IDNK: variants seen among roughly 807,000 people sequenced by gnomAD.
IDNK encodes the protein IDNK gluconokinase.
A neutral mutation model predicts 13.0 loss-of-function variants in IDNK; 9 were observed. The observed-to-expected ratio is 0.69, with a 90% CI of 0.42 to 1.21. The LOEUF is 1.21. Ranked by LOEUF, IDNK falls within the 50% of genes most tolerant of loss-of-function variation. The probability of loss-of-function intolerance (pLI) is 0.00; values close to 1 mark genes in which losing one functional copy is unlikely to be tolerated. For synonymous variants in IDNK, 92 were observed against 94.9 expected (o/e 0.97, Z 0.18); for missense variants, 210 against 237.8 (o/e 0.88, Z 0.77).
At chr9:83,625,983 TCA>T (rs1830838094) in intron 1 of IDNK, among the ~76,000 whole-genome samples, 1 of 152,242 alleles carries the variant, frequency 6.6e-6, no homozygotes, top group South Asian at 2.1e-4. Flanking sequence ...CTTTATATTT[TCA>T]CAATCTTAAT....
chr9:83,631,780 C>T (rs10780620), intron 3 of IDNK, among the ~76,000 whole-genome samples: 39,744 of 151,852 alleles, frequency 0.26, 6,450 homozygotes, highest in East Asian at 0.8. Flanking sequence ...CAGTGCCAGT[C>T]TAGAAACATT....
chr9:83,642,121 G>T (rs1467286330), intron 4 of IDNK, among the ~76,000 whole-genome samples: 1 of 151,920 alleles, frequency 6.6e-6, no homozygotes, highest in Non-Finnish European at 1.5e-5. Context: ...AGTCCACATT[G>T]CCCAGCTCTG....
At chr9:83,630,588 G>A (rs372498935) in intron 3 of IDNK, among the ~76,000 whole-genome samples, 18 of 152,234 alleles carry the variant, frequency 1.2e-4, no homozygotes, top group African/African-American at 3.4e-4. Flanking sequence ...TAAATATCAC[G>A]TTTTAAAATT....
At chr9:83,633,231 C>T (rs893416255) in intron 3 of IDNK, among the ~76,000 whole-genome samples, 10 of 152,210 alleles carry the variant, frequency 6.6e-5, no homozygotes, top group Admixed American at 5.9e-4. Context: ...CCCAGCTACT[C>T]GGGAGGCTGA....
intron 3 of IDNK, among the ~76,000 whole-genome samples, chr9:83,640,731 GCT>G (rs1177824723): frequency 6.6e-6 from 1 of 152,198 alleles, no homozygotes; most frequent in Non-Finnish European, 1.5e-5. Context: ...TGTAATCCCA[GCT>G]ACTCAGGAGG....
intron 3 of IDNK, among the ~76,000 whole-genome samples, chr9:83,630,535 A>G (rs951766098): frequency 6.6e-6 from 1 of 152,206 alleles, no homozygotes; most frequent in Non-Finnish European, 1.5e-5. Context: ...ATTAAATGAG[A>G]TAATACAAAA....
chr9:83,633,168 T>A (rs1349665843), intron 3 of IDNK, among the ~76,000 whole-genome samples: 2 of 152,056 alleles, frequency 1.3e-5, no homozygotes, highest in South Asian at 2.1e-4. Flanking sequence ...TGAAATCCCG[T>A]CTCTACTAAA....
At chr9:83,642,591 T>A (rs1161013085) in intron 4 of IDNK, among the ~76,000 whole-genome samples, 1 of 148,570 alleles carries the variant, frequency 6.7e-6, no homozygotes, top group Non-Finnish European at 1.5e-5. Context: ...GGAGGCCCCT[T>A]CCTTCAGAAC....
At chr9:83,640,881 G>C (rs1831286073) in intron 3 of IDNK, among the ~76,000 whole-genome samples, 1 of 152,016 alleles carries the variant, frequency 6.6e-6, no homozygotes, top group Non-Finnish European at 1.5e-5. Flanking sequence ...TTGGTATACA[G>C]AGGTTTGCTT....
chr9:83,641,428 A>G, intron 3 of IDNK, 120 bp from the exon 4 acceptor site: 2 of 1,118,094 alleles, frequency 1.8e-6, no homozygotes, highest in Non-Finnish European at 2.7e-6. Flanking sequence ...CCCACTCCTC[A>G]CACCACTGAG....
chr9:83,627,389 A>G (rs567083646), intron 1 of IDNK, among the ~76,000 whole-genome samples: 1 of 152,308 alleles, frequency 6.6e-6, no homozygotes, highest in African/African-American at 2.4e-5. Context: ...GGGAACTGGT[A>G]GGTGCTCAAT....
At chr9:83,641,479 T>G in intron 3 of IDNK, 69 bp from the exon 4 acceptor site, 1 of 1,545,428 alleles carries the variant, frequency 6.5e-7, no homozygotes. Context: ...GATATAACTG[T>G]TTCTCTACAA....
rs1831375596 is a variant in IDNK at position 83,643,564 on chromosome 9, G to T, written c.348G>T (p.Glu116Asp). 1 of 1,613,934 alleles carries T rather than the reference G, an allele frequency of 6.2e-7. No individual in the cohort carries two copies. Among genetic ancestry groups the T allele is most frequent in the Non-Finnish European group, 8.5e-7 (1 of 1,180,016 alleles). The change falls in exon 5 of 5, where the codon GAG (glutamate) becomes GAT (aspartate). Residue 116 changes from glutamate (E) to aspartate (D), a missense_variant. By Grantham distance (45) the Glu-to-Asp change is conservative. Transcript: ENST00000376419. The stretch of plus-strand genomic sequence containing the variant: ...CGGGAAAGGAAGCAAAGCAGGCTGA[G>T]ATGCAGCTCCTGGTGGTCCATCTGA... ...EESGKEAKQA[E>D]MQLLVVHLSG...
At chr9:83,629,445 G>A (rs1346281864) in intron 3 of IDNK, among the ~76,000 whole-genome samples, 1 of 152,306 alleles carries the variant, frequency 6.6e-6, no homozygotes, top group African/African-American at 2.4e-5. Context: ...TACTTACACT[G>A]CTAAGCATGC....
chr9:83,624,581 T>TG (rs1352687741), intron 1 of IDNK, among the ~76,000 whole-genome samples: 1 of 152,060 alleles, frequency 6.6e-6, no homozygotes, highest in African/African-American at 2.4e-5. Flanking sequence ...ATGTCTCCTC[T>TG]GGGGGAGTGG....
chr9:83,635,211 A>G (rs1401732041), intron 3 of IDNK, among the ~76,000 whole-genome samples: 1 of 152,242 alleles, frequency 6.6e-6, no homozygotes, highest in Admixed American at 6.5e-5. Flanking sequence ...CTGTCATGTG[A>G]GACCCCTACC....
intron 1 of IDNK, among the ~76,000 whole-genome samples, chr9:83,624,355 T>C (rs1830786776): frequency 6.6e-6 from 1 of 152,190 alleles, no homozygotes; most frequent in African/African-American, 2.4e-5. Flanking sequence ...ATCCCTATGA[T>C]GTATAGCTTG....
chr9:83,643,502 C>A lies in IDNK; in HGVS notation c.286C>A (p.Gln96Lys), dbSNP rs143382039. 1.2e-6 allele frequency: 2 copies of A among 1,613,552 alleles called. No homozygotes were observed. The highest frequency in any genetic ancestry group is 1.7e-6 in the Non-Finnish European group (2 of 1,179,894). Reference protein sequence around the residue: ...LKKTYRDILTQGKDGVALKCE... With the variant: ...LKKTYRDILTKGKDGVALKCE... ...GAAAACGTACAGAGACATATTAACA[C>A]AAGGAAAAGATGGTGTAGCTCTGAA... The change falls in exon 5 of 5, where the codon CAA (glutamine) becomes AAA (lysine). Residue 96 changes from glutamine to lysine, a missense_variant. Coordinates refer to ENST00000376419, the MANE Select transcript of IDNK (RefSeq NM_001001551.4).
intron 1 of IDNK, among the ~76,000 whole-genome samples, chr9:83,625,012 G>C (rs1462935811): frequency 6.6e-6 from 1 of 152,180 alleles, no homozygotes; most frequent in African/African-American, 2.4e-5. Flanking sequence ...ACCGCGCCCA[G>C]CTAAGGCTTG....
Sources: gnomAD v4.1 joint callset for allele counts (sites outside exome capture counted in the v4.1 genomes callset) on GRCh38, gnomAD v4.1.1 for gene constraint, MANE v1.5 for transcripts, NCBI Gene and HGNC (gene_info 2026-07-23, HGNC 2026-07-21) for gene names.